The following MGAT1 variants were observed in gnomAD, a reference collection of about 807,000 sequenced individuals.
The protein encoded by MGAT1 is N-glycosyl-oligosaccharide-glycoprotein N-acetylglucosaminyltransferase I.
In MGAT1, 14 loss-of-function variants were observed where a neutral mutation model predicts 31.7. That is an observed-to-expected ratio of 0.44 (90% CI 0.29 to 0.69). MGAT1 has a LOEUF of 0.69. MGAT1 is among the 30% of genes least tolerant of loss of function. MGAT1 has a pLI of 0.12. For synonymous variants in MGAT1, 338 were observed against 276.0 expected (o/e 1.22, Z -2.23); for missense variants, 557 against 626.0 (o/e 0.89, Z 1.18).
At chr5:180,815,016 T>A (rs1772791296) in intron 1 of MGAT1, among the ~76,000 whole-genome samples, 1 of 152,202 alleles carries the variant, frequency 6.6e-6, no homozygotes, top group African/African-American at 2.4e-5. Flanking sequence ...GGGAATTTAT[T>A]TCTTACAGCT....
rs1767784895 is a variant in MGAT1, at chr5:180,789,200, A to G, written c.*2434T>C. The G allele has an allele frequency of 6.6e-6, 1 of 152,256 alleles. No homozygotes were observed. The allele number at this position is 152,256 out of a possible 1,614,324, so 9.4% of individuals were successfully genotyped here. On this transcript the variant is annotated 3_prime_UTR_variant, in exon 2 of 2. Transcript: ENST00000307826. ...TGCTCCCAAGGCCACGGCCCTCGAC[A>G]CAGCTCCCCAGACAACTCTGCCACC...
Position 180,791,408 on chromosome 5 carries a change from T to G in MGAT1, c.*226A>C, listed in dbSNP as rs1387973067. 9.6e-6 allele frequency: 6 copies of G among 624,916 alleles called. No individual in the cohort carries two copies. The highest frequency in any genetic ancestry group is 1.7e-5 in the Non-Finnish European group (6 of 362,566). The allele number at this position is 624,916 out of a possible 1,614,324, so 38.7% of individuals were successfully genotyped here. On this transcript the variant is annotated 3_prime_UTR_variant, in exon 2 of 2. Transcript: ENST00000307826. ...CCCCCACCACACAGTGGTTTCCTGC[T>G]TAATACCCCGCAACATACCCTAGAA...
At chr5:180,806,854 G>C (rs879305631), upstream of MGAT1, among the ~76,000 whole-genome samples, 2 of 152,192 alleles carry the variant, frequency 1.3e-5, no homozygotes, top group Admixed American at 6.5e-5. Flanking sequence ...GTATCCCCGA[G>C]GGATCACTGT....
intron 1 of MGAT1, 39 bp from the exon 2 acceptor site, chr5:180,793,136 G>C (rs569498676): frequency 1.2e-6 from 1 of 832,960 alleles, no homozygotes; most frequent in South Asian, 1.8e-5. Context: ...TCACACAAAG[G>C]CTCGTGGCTC....
Position 180,791,798 on chromosome 5 carries a change from C to G in MGAT1, c.1174G>C (p.Asp392His), listed in dbSNP as rs778793880. Residue 392 changes from aspartate (D) to histidine (H), a missense_variant, in exon 2 of 2, where the codon GAC becomes CAC. By Grantham distance (81) the Asp-to-His change is moderately conservative (BLOSUM62 -1). Transcript: ENST00000307826. ...GEVRVQYTGR[D>H]SFKAFAKALG... ...GCCTTGGCGAAAGCCTTGAAGCTGT[C>G]CCTGCCCGTATACTGCACCCGCACC... The G allele has an allele frequency of 6.2e-7, 1 of 1,614,194 alleles. No individual in the cohort carries two copies. The highest frequency in any genetic ancestry group is 8.5e-7 in the Non-Finnish European group (1 of 1,179,994).
chr5:180,800,444 G>A (rs937702793), intron 1 of MGAT1, among the ~76,000 whole-genome samples: 9 of 152,240 alleles, frequency 5.9e-5, no homozygotes, highest in African/African-American at 2.2e-4. Flanking sequence ...AAAGCTGAGG[G>A]CCAGATGCCC....
chr5:180,809,667 G>A (rs1422692126), intron 1 of MGAT1: 1 of 152,002 alleles, frequency 6.6e-6, no homozygotes, highest in African/African-American at 2.4e-5. Context: ...CTACTCCCGA[G>A]AACACTCTCC....
In MGAT1 at chr5:180,798,188, T is replaced by C. The variant is rs1769911298; in HGVS notation, c.-127+4492A>G. On this transcript the variant is annotated intron_variant, in intron 1 of 1. Coordinates refer to ENST00000307826, the MANE Select transcript of MGAT1 (RefSeq NM_002406.4). Reference sequence around the variant, plus strand: ...ATCGGATGAGATGAGCCATGTTAGGTGTTTAGAACAGTGCCGGCATGACAA... The same window carrying C: ...ATCGGATGAGATGAGCCATGTTAGGCGTTTAGAACAGTGCCGGCATGACAA... Among the ~76,000 whole-genome samples the C allele has an allele frequency of 5.3e-5, 8 of 152,232 alleles. No homozygotes were observed. In the South Asian group the frequency reaches 1.7e-3, roughly 32 times the overall value.
intron 1 of MGAT1, among the ~76,000 whole-genome samples, chr5:180,793,379 G>A (rs920203454): frequency 6.6e-6 from 1 of 152,182 alleles, no homozygotes; most frequent in Non-Finnish European, 1.5e-5. Context: ...GGAAGGAGGA[G>A]GGGAGGGGCA....
rs539666091 is a variant in MGAT1, at chr5:180,785,282, C to T, written c.*6352G>A. ...CGTTTCAAGGACAGAACACAGTATC[C>T]GAGAGTTCTGGTTTCTACTGTTGCT... On this transcript the variant is annotated 3_prime_UTR_variant, in exon 2 of 2. Coordinates refer to ENST00000307826, the MANE Select transcript of MGAT1 (RefSeq NM_002406.4). 26 of 152,302 alleles carry T rather than the reference C, an allele frequency of 1.7e-4. No homozygotes were observed. Among genetic ancestry groups the T allele is most frequent in the Admixed American group, 5.9e-4 (9 of 15,306 alleles). The allele number at this position is 152,302 out of a possible 1,614,324, so 9.4% of individuals were successfully genotyped here.
chr5:180,811,520 C>T (rs2113609166), intron 1 of MGAT1: 1 of 152,158 alleles, frequency 6.6e-6, no homozygotes, highest in African/African-American at 2.4e-5. Context: ...ACCAGAAGAG[C>T]CAGCTTCACT....
chr5:180,800,065 C>T (rs1770402530), intron 1 of MGAT1, among the ~76,000 whole-genome samples: 1 of 152,198 alleles, frequency 6.6e-6, no homozygotes, highest in Admixed American at 6.5e-5. Context: ...AACCACATAG[C>T]TGAGATGTTA....
intron 1 of MGAT1, chr5:180,811,078 G>T (rs1772527985): frequency 6.6e-6 from 1 of 152,228 alleles, no homozygotes; most frequent in Non-Finnish European, 1.5e-5. Flanking sequence ...GCTGAATCCA[G>T]GGGAGCCGCT....
chr5:180,792,827 T>G lies in MGAT1; in HGVS notation c.145A>C (p.Ser49Arg), dbSNP rs201892739. The G allele has an allele frequency of 3.8e-5, 60 of 1,560,770 alleles. 2 individuals carry two copies. The East Asian group carries it at 7.4e-4, about 19-fold the overall frequency. The part of the protein sequence containing the change: ...SVSALDGDPA[S>R]LTREVIRLAQ... ...AGGCGAATCACTTCCCGGGTGAGGC[T>G]GGCGGGGTCGCCATCGAGAGCGCTG... Residue 49 changes from serine to arginine, a missense_variant, in exon 2 of 2, where the codon AGC (serine) becomes CGC (arginine). Transcript: ENST00000307826.
At chr5:180,798,135 C>T (rs1769901530) in intron 1 of MGAT1, among the ~76,000 whole-genome samples, 1 of 152,216 alleles carries the variant, frequency 6.6e-6, no homozygotes, top group Non-Finnish European at 1.5e-5. Flanking sequence ...TGCCACATTT[C>T]TGAGACTCAA....
chr5:180,787,704 C>T lies in MGAT1; in HGVS notation c.*3930G>A, dbSNP rs1357140468. ...TGTATCTAACCCTCTAAATGCCCCC[C>T]ACCTCCCACCCTCTTGGCCTGCTCT... On this transcript the variant is annotated 3_prime_UTR_variant, in exon 2 of 2. Coordinates refer to ENST00000307826, the MANE Select transcript of MGAT1 (RefSeq NM_002406.4). The T allele has an allele frequency of 6.6e-6, 1 of 152,246 alleles. No homozygotes were observed. The highest frequency in any genetic ancestry group is 2.4e-5 in the African/African-American group (1 of 41,456). 9.4% of individuals were successfully genotyped at this position (152,246 alleles called of 1,614,324 possible). A position where few individuals can be genotyped will look rare whatever the true frequency, so the allele number is the denominator to read the frequency against.
Position 180,791,889 on chromosome 5 carries a change from G to T in MGAT1, c.1083C>A (p.Arg361=), listed in dbSNP as rs374917257. ...REAYDRDFLA[R]VYGAPQLQVE... ...CCTGCAGCTGGGGAGCACCGTAGAC[G>T]CGGGCGAGGAAATCTCGGTCATAGG... The change falls in exon 2 of 2, where the codon CGC becomes CGA. Residue 361 remains arginine (R), a synonymous_variant. Transcript: ENST00000307826. 6.2e-6 allele frequency: 10 copies of T among 1,614,088 alleles called. No individual in the cohort carries two copies. In the African/African-American group the frequency reaches 1.1e-4, roughly 17 times the overall value.
rs760644775 is a variant in MGAT1, at chr5:180,791,942, G to C, written c.1030C>G (p.Leu344Val). The C allele has an allele frequency of 1.2e-6, 2 of 1,614,206 alleles. No individual in the cohort carries two copies. The highest frequency in any genetic ancestry group is 1.7e-5 in the Admixed American group (1 of 60,026). Residue 344 changes from leucine (L) to valine (V), a missense_variant, in exon 2 of 2, where the codon CTG becomes GTG. Around this residue, in one of 3 missense-constraint regions of MGAT1, gnomAD observed 145 missense variants for 143.2 expected, o/e 1.01. Transcript: ENST00000307826. ...TCCCGCTGCAGGTAAGACAGGTCCA[G>C]CTGGGTGAAGTGCACAAACTGCTGG... ...LNQQFVHFTQLDLSYLQREAY... is the reference protein window; with the variant it reads ...LNQQFVHFTQVDLSYLQREAY...
In MGAT1 at chr5:180,791,326, C is replaced by T; in HGVS notation, c.*308G>A. The T allele has an allele frequency of 2.2e-6, 1 of 448,924 alleles. No homozygotes were observed. The allele number at this position is 448,924 out of a possible 1,614,324, so 27.8% of individuals were successfully genotyped here. On this transcript the variant is annotated 3_prime_UTR_variant, in exon 2 of 2. Coordinates refer to ENST00000307826, the MANE Select transcript of MGAT1 (RefSeq NM_002406.4). ...AGCGAACGTTGCCAAACTCTCTGCA[C>T]ATGCTCCAGGAGAAAGCTCAGGACG...
Sources: gnomAD v4.1 joint callset for allele counts (sites outside exome capture counted in the v4.1 genomes callset) on GRCh38, gnomAD v4.1.1 for gene constraint, gnomAD v4.1.1 regional missense constraint, MANE v1.5 for transcripts, NCBI Gene and HGNC (gene_info 2026-07-23, HGNC 2026-07-21) for gene names.